Variants in IMMP2L observed in about 807,000 individuals in gnomAD.
IMMP2L encodes mitochondrial inner membrane protease subunit 2.
Under a neutral mutation model 19.3 loss-of-function variants are expected in IMMP2L, and 18 were observed. The observed-to-expected ratio is 0.93, with a 90% CI of 0.64 to 1.38. The LOEUF (loss-of-function observed/expected upper bound fraction) is 1.38. Among genes scored for constraint, IMMP2L ranks in the 40% most tolerant of loss-of-function variants. The pLI, the probability that IMMP2L is intolerant of heterozygous loss-of-function variation, is 0.00. For missense variants in IMMP2L, 233 were observed against 218.2 expected (o/e 1.07, Z -0.43); for synonymous variants, 76 against 73.0 (o/e 1.04, Z -0.21).
intron 3 of IMMP2L, among the ~76,000 whole-genome samples, chr7:111,372,618 TC>T (rs1830354405): frequency 6.6e-6 from 1 of 151,920 alleles, no homozygotes; most frequent in African/African-American, 2.4e-5. Context: ...TGAGTTCTGT[TC>T]TTTTTTTTTT....
chr7:111,542,093 T>C (rs1285944951), intron 1 of IMMP2L, among the ~76,000 whole-genome samples: 2 of 152,070 alleles, frequency 1.3e-5, no homozygotes, highest in Admixed American at 6.6e-5. Context: ...AAATATTAGA[T>C]TATCAAACAT....
intron 4 of IMMP2L, among the ~76,000 whole-genome samples, chr7:110,900,412 T>A (rs1357491257): frequency 6.6e-6 from 1 of 152,178 alleles, no homozygotes; most frequent in Non-Finnish European, 1.5e-5. Context: ...TCTCGCTCCT[T>A]TCCTCCTTAG....
intron 3 of IMMP2L, among the ~76,000 whole-genome samples, chr7:111,133,513 C>G (rs1279069256): frequency 6.6e-6 from 1 of 151,806 alleles, no homozygotes. Flanking sequence ...TTCTGAAGGA[C>G]AAAGCAGGAG....
chr7:111,500,683 A>C (rs2132431261), intron 2 of IMMP2L, among the ~76,000 whole-genome samples: 1 of 152,316 alleles, frequency 6.6e-6, no homozygotes, highest in African/African-American at 2.4e-5. Context: ...GCTGTTCTGC[A>C]GCCACCGCTG....
intron 2 of IMMP2L, among the ~76,000 whole-genome samples, chr7:111,498,151 G>A (rs140543507): frequency 4.6e-5 from 7 of 151,756 alleles, no homozygotes; most frequent in African/African-American, 7.3e-5. Context: ...AATTCAGGTC[G>A]CTACAACTAG....
chr7:110,930,052 T>C (rs1815296368), intron 4 of IMMP2L, among the ~76,000 whole-genome samples: 1 of 152,190 alleles, frequency 6.6e-6, no homozygotes, highest in African/African-American at 2.4e-5. Context: ...CTAATGAGTA[T>C]ACTGTGCTTA....
chr7:111,506,500 C>A (rs1030631834), intron 2 of IMMP2L, among the ~76,000 whole-genome samples: 24 of 152,112 alleles, frequency 1.6e-4, no homozygotes, highest in African/African-American at 5.3e-4. Context: ...CAGGTTCAAG[C>A]GATTCTCCTG....
chr7:111,193,875 A>G (rs937572315), intron 3 of IMMP2L, among the ~76,000 whole-genome samples: 3 of 152,134 alleles, frequency 2.0e-5, no homozygotes, highest in African/African-American at 7.2e-5. Context: ...TCAACTTCCC[A>G]TTATTTAATC....
intron 1 of IMMP2L, among the ~76,000 whole-genome samples, chr7:111,537,154 C>G (rs758669395): frequency 4.6e-5 from 7 of 151,938 alleles, no homozygotes; most frequent in Admixed American, 2.6e-4. Context: ...AGATATTGAA[C>G]ATTAAGCATT....
intron 3 of IMMP2L, among the ~76,000 whole-genome samples, chr7:111,027,414 T>C (rs967825195): frequency 4.6e-5 from 7 of 152,146 alleles, no homozygotes; most frequent in Non-Finnish European, 7.4e-5. Flanking sequence ...GTTCACTGAA[T>C]TTCACAGATA....
intron 3 of IMMP2L, among the ~76,000 whole-genome samples, chr7:111,293,198 C>T (rs1821292099): frequency 1.3e-5 from 2 of 151,798 alleles, no homozygotes; most frequent in South Asian, 4.2e-4. Flanking sequence ...GAGCATTAGA[C>T]CAAAAGACTG....
At position 111,399,843 on chromosome 7, in the gene IMMP2L, C is replaced by T. The variant is rs573651029; in HGVS notation, c.239+87395G>A. Among the ~76,000 whole-genome samples, 5 of 152,216 alleles carry T rather than the reference C, an allele frequency of 3.3e-5. No homozygotes were observed. In the South Asian group the frequency reaches 6.2e-4, roughly 19 times the overall value. ...AGAGTCAAGGTTCTCCTTCTCCTTGCTTCCCATGCTACCAGCACTATAAAG... is the reference window on the plus strand; with the variant it reads ...AGAGTCAAGGTTCTCCTTCTCCTTGTTTCCCATGCTACCAGCACTATAAAG... On this transcript the variant is annotated intron_variant, in intron 3 of 5. Coordinates refer to ENST00000405709, the MANE Select transcript of IMMP2L (RefSeq NM_032549.4).
At chr7:111,033,945 G>A (rs1007318045) in intron 3 of IMMP2L, among the ~76,000 whole-genome samples, 5 of 152,110 alleles carry the variant, frequency 3.3e-5, no homozygotes, top group African/African-American at 9.7e-5. Context: ...AGATCACTGA[G>A]AATAAACTAT....
intron 1 of IMMP2L, among the ~76,000 whole-genome samples, chr7:111,539,036 C>T (rs1848163603): frequency 6.7e-6 from 1 of 150,058 alleles, no homozygotes; most frequent in East Asian, 2.0e-4. Context: ...AGGAGAATTG[C>T]TTGAACCTGA....
intron 3 of IMMP2L, among the ~76,000 whole-genome samples, chr7:111,011,697 A>C (rs764525992): frequency 5.3e-5 from 8 of 152,176 alleles, no homozygotes; most frequent in African/African-American, 9.6e-5. Flanking sequence ...GCAACAACTG[A>C]CAAGAGTGTC....
intron 5 of IMMP2L, among the ~76,000 whole-genome samples, chr7:110,666,119 G>A (rs978109743): frequency 1.3e-5 from 2 of 152,040 alleles, no homozygotes; most frequent in African/African-American, 4.8e-5. Flanking sequence ...TTTGGCCAGT[G>A]GGAGCTCTAT....
chr7:111,154,884 A>G (rs1197705876), intron 3 of IMMP2L, among the ~76,000 whole-genome samples: 1 of 151,976 alleles, frequency 6.6e-6, no homozygotes, highest in Non-Finnish European at 1.5e-5. Flanking sequence ...CAGCCTCCCA[A>G]CTAGCTGGGA....
intron 3 of IMMP2L, among the ~76,000 whole-genome samples, chr7:111,170,251 C>A (rs192127641): frequency 6.6e-6 from 1 of 151,860 alleles, no homozygotes; most frequent in Non-Finnish European, 1.5e-5. Flanking sequence ...CTAAGGAAAT[C>A]CAACAATTAT....
At chr7:111,474,902 T>G (rs1452963470) in intron 3 of IMMP2L, among the ~76,000 whole-genome samples, 1 of 152,150 alleles carries the variant, frequency 6.6e-6, no homozygotes, top group Admixed American at 6.6e-5. Flanking sequence ...AAAATTTATG[T>G]GAGACATACT....
Sources: gnomAD v4.1 joint callset for allele counts (sites outside exome capture counted in the v4.1 genomes callset) on GRCh38, gnomAD v4.1.1 for gene constraint, MANE v1.5 for transcripts, NCBI Gene and HGNC (gene_info 2026-07-23, HGNC 2026-07-21) for gene names.